The following NBPF9 variants were observed in gnomAD, a reference collection of about 807,000 sequenced individuals.
The protein encoded by NBPF9 is NBPF family member NBPF9.
Under a neutral mutation model 97.8 loss-of-function variants are expected in NBPF9, and 91 were observed. The observed-to-expected ratio is 0.93, with a 90% CI of 0.79 to 1.11. NBPF9 has a LOEUF of 1.11. Ranked by LOEUF, NBPF9 falls within the 50% of genes least tolerant of loss-of-function variation. The pLI, the probability that NBPF9 is intolerant of heterozygous loss-of-function variation, is 0.00. For synonymous variants in NBPF9, 334 were observed against 359.5 expected (o/e 0.93, Z 0.80); for missense variants, 992 against 939.5 (o/e 1.06, Z -0.73).
At position 149,055,422 on chromosome 1, in the gene NBPF9, T is replaced by C. The variant is rs1480301821; in HGVS notation, c.*234A>G. 10 of 691,244 alleles carry C rather than the reference T, an allele frequency of 1.4e-5. No homozygotes were observed. The African/African-American group carries it at 1.6e-4, about 11-fold the overall frequency. 42.8% of individuals were successfully genotyped at this position (691,244 alleles called of 1,614,324 possible). A position where few individuals can be genotyped will look rare whatever the true frequency, so the allele number is the denominator to read the frequency against. The stretch of plus-strand genomic sequence containing the variant: ...GGTTCAAATTAAAATGTCTGACTGA[T>C]CACTCCCGGCATGTGCTGCACAGTT... On this transcript the variant is annotated 3_prime_UTR_variant, in exon 30 of 30. Transcript: ENST00000584027.
At chr1:149,082,300 C>G (rs2080541479) in exon 6 of NBPF9, 1 of 1,554,844 alleles carries the variant, frequency 6.4e-7, no homozygotes, top group Non-Finnish European at 8.7e-7. Context: ...GTGATCACTC[C>G]CACAGCACTT....
chr1:149,058,947 A>G lies in NBPF9; in HGVS notation c.2736T>C (p.Leu912=), dbSNP rs1405677819. The G allele has an allele frequency of 4.3e-6, 2 of 465,014 alleles. 1 individual carries two copies. The highest frequency in any genetic ancestry group is 7.6e-6 in the Non-Finnish European group (2 of 264,586). The allele number at this position is 465,014 out of a possible 1,614,324, so 28.8% of individuals were successfully genotyped here. A position where few individuals can be genotyped will look rare whatever the true frequency, so the allele number is the denominator to read the frequency against. ...CACTGTCCACGTCAAGAGCCAAGCC[A>G]AGGTACTGTTCCTCCAATGAGTAAA... The change falls in exon 26 of 30, where the codon CTT becomes CTC. Residue 912 remains leucine, a synonymous_variant. Transcript: ENST00000584027.
chr1:149,056,223 A>G (rs1341856867), intron 29 of NBPF9, among the ~76,000 whole-genome samples: 1 of 147,818 alleles, frequency 6.8e-6, no homozygotes, highest in Non-Finnish European at 1.5e-5. Context: ...AACTGTGATC[A>G]TGAAAAGAGT....
intron 5 of NBPF9, among the ~76,000 whole-genome samples, chr1:149,083,737 GT>G (rs2080732323): frequency 2.0e-5 from 3 of 151,090 alleles, no homozygotes; most frequent in Admixed American, 6.6e-5. Flanking sequence ...CGTTTAAGTT[GT>G]TAAACAACAA....
rs1272851671 is a variant in NBPF9, at chr1:149,059,091, G to A, written c.2592C>T (p.Ser864=). The A allele has an allele frequency of 4.8e-6, 2 of 421,030 alleles. 1 individual carries two copies. The highest frequency in any genetic ancestry group is 8.5e-6 in the Non-Finnish European group (2 of 234,540). 26.1% of individuals were successfully genotyped at this position (421,030 alleles called of 1,614,324 possible). The change falls in exon 26 of 30, where the codon AGC becomes AGT. Residue 864 remains serine (S), a synonymous_variant. Transcript: ENST00000584027. ...GCTCTTTCTCATCCAGCAGCTCCCT[G>A]CTGAGCCTGGAAAAGTAGGAAAAAG...
chr1:149,082,947 T>TTTTTC (rs1431519133), intron 5 of NBPF9, among the ~76,000 whole-genome samples: 1 of 117,596 alleles, frequency 8.5e-6, no homozygotes, highest in East Asian at 2.4e-4. Context: ...GCCTGGCTAA[T>TTTTTC]TTTTCTTTTC....
chr1:149,089,186 G>A (rs1477055511), intron 5 of NBPF9, among the ~76,000 whole-genome samples: 49 of 152,194 alleles, frequency 3.2e-4, no homozygotes, highest in Non-Finnish European at 4.1e-4. Flanking sequence ...CTGCAGAGGA[G>A]AGGTGCCACA....
At chr1:149,082,240 G>A in intron 6 of NBPF9, 32 bp downstream of exon 6, 1 of 1,300,312 alleles carries the variant, frequency 7.7e-7, no homozygotes, top group South Asian at 1.2e-5. Flanking sequence ...GTTTAATCAG[G>A]ACTGAGGGAT....
At chr1:149,084,353 G>A (rs181945916) in intron 5 of NBPF9, among the ~76,000 whole-genome samples, 10 of 144,786 alleles carry the variant, frequency 6.9e-5, no homozygotes, top group Admixed American at 2.8e-4. Context: ...ATATATATAC[G>A]TGTATATACA....
At chr1:149,067,295 T>C (rs1422521540) in intron 17 of NBPF9, among the ~76,000 whole-genome samples, 1 of 117,844 alleles carries the variant, frequency 8.5e-6, no homozygotes, top group African/African-American at 3.4e-5. Context: ...TTATTTTTTG[T>C]GTGTATGTGT....
chr1:149,055,675 T>A (rs1043478), exon 30 of NBPF9: 1 of 1,599,740 alleles, frequency 6.3e-7, no homozygotes, highest in East Asian at 2.3e-5. Flanking sequence ...GAATATGACT[T>A]CCATCTGGAA....
In NBPF9 at chr1:149,065,593, G is replaced by T; in HGVS notation, c.1734C>A (p.Tyr578Ter). 1 of 1,609,106 alleles carries T rather than the reference G, an allele frequency of 6.2e-7. No individual in the cohort carries two copies. The highest frequency in any genetic ancestry group is 1.7e-5 in the Admixed American group (1 of 59,858). Residue 578 changes from tyrosine (Y) to a stop codon, truncating the protein, a stop_gained, in exon 18 of 30, where the codon TAC becomes TAA. Transcript: ENST00000584027. LOFTEE classifies it high-confidence loss of function. ...AGTGAAATGTGCTGCTGTAAGACTT[G>T]TACGAGGCCAACATTTCAGGAGGAA... is the stretch of plus-strand genomic sequence containing the variant.
At chr1:149,097,344 C>A (rs1170907263) in intron 4 of NBPF9, among the ~76,000 whole-genome samples, 12 of 152,164 alleles carry the variant, frequency 7.9e-5, no homozygotes, top group Non-Finnish European at 1.3e-4. Context: ...CCATGGGGTA[C>A]AACCCCTTCT....
chr1:149,076,009 C>T lies in NBPF9; in HGVS notation c.779-145G>A, dbSNP rs1372305483. ...TGGTTTCACTCTTGTCATCTCCAGT[C>T]TTGATCTCCTTTAAGTCAACTTGTC... On this transcript the variant is annotated intron_variant, in intron 11 of 29. Coordinates refer to ENST00000584027, the Ensembl canonical transcript of NBPF9. 2.5e-5 allele frequency: 18 copies of T among 714,404 alleles called. No homozygotes were observed. The Admixed American group carries it at 3.6e-4, about 14-fold the overall frequency. The allele number at this position is 714,404 out of a possible 1,614,324, so 44.3% of individuals were successfully genotyped here. A position where few individuals can be genotyped will look rare whatever the true frequency, so the allele number is the denominator to read the frequency against.
chr1:149,082,998 A>G (rs2080651065), intron 5 of NBPF9, among the ~76,000 whole-genome samples: 1 of 104,090 alleles, frequency 9.6e-6, no homozygotes, highest in African/African-American at 3.8e-5. Context: ...TTTAGTAGAG[A>G]CGGGGTTTCA....
chr1:149,064,230 C>G (rs1490705798), intron 19 of NBPF9, among the ~76,000 whole-genome samples: 1 of 139,790 alleles, frequency 7.2e-6, no homozygotes, highest in African/African-American at 2.9e-5. Context: ...TCAACTTTCA[C>G]TAGGTTAGTA....
chr1:149,074,657 C>G (rs1278087954), intron 12 of NBPF9, among the ~76,000 whole-genome samples: 4 of 151,158 alleles, frequency 2.6e-5, no homozygotes, highest in Non-Finnish European at 5.9e-5. Context: ...GACAGGCCCA[C>G]GGTCCCTGCT....
chr1:149,072,960 A>T lies in NBPF9; in HGVS notation c.1092-28T>A, dbSNP rs782529449. The T allele has an allele frequency of 1.2e-5, 20 of 1,602,182 alleles. 1 individual carries two copies. Among genetic ancestry groups the T allele is most frequent in the Non-Finnish European group, 1.6e-5 (19 of 1,171,434 alleles). ...AAGGTGAGATGGTAGAGAAAAATTA[A>T]GAGTGGAAAGGGTTGAGTGATCCGC... is the stretch of plus-strand genomic sequence containing the variant. On this transcript the variant is annotated intron_variant, in intron 13 of 29. Coordinates refer to ENST00000584027, the Ensembl canonical transcript of NBPF9.
chr1:149,074,608 AG>A (rs1559529060), intron 12 of NBPF9, among the ~76,000 whole-genome samples: 1 of 151,172 alleles, frequency 6.6e-6, no homozygotes, highest in Non-Finnish European at 1.5e-5. Flanking sequence ...GAGGTAACTG[AG>A]GGACAGACAA....
Sources: allele counts gnomAD v4.1 joint callset (sites outside exome capture counted in the v4.1 genomes callset), GRCh38; gene constraint gnomAD v4.1.1; transcripts MANE v1.5; gene names NCBI Gene and HGNC (gene_info 2026-07-23, HGNC 2026-07-21).